The following GMDS variants were observed in gnomAD, a reference collection of about 807,000 sequenced individuals.
GMDS encodes GDP-mannose 4,6-dehydratase.
A neutral mutation model predicts 49.9 loss-of-function variants in GMDS; 20 were observed. That is an observed-to-expected ratio of 0.40 (90% CI 0.28 to 0.58). GMDS has a LOEUF of 0.58. Ranked by LOEUF, GMDS falls within the 20% of genes least tolerant of loss-of-function variation. The pLI is 0.42. For synonymous variants in GMDS, 177 were observed against 178.6 expected (o/e 0.99, Z 0.07); for missense variants, 362 against 481.4 (o/e 0.75, Z 2.32).
rs144355567 is a variant in GMDS at position 2,014,011 on chromosome 6, C to T, written c.346-53045G>A. ...GAGAAAGAGAGTATTTTGAAAGAAG[C>T]TTGTCAAAAAACAAGCAAGCCAAAA... On this transcript the variant is annotated intron_variant, in intron 4 of 10. Transcript: ENST00000380815. Among the ~76,000 whole-genome samples, 652 of 144,460 alleles carry T rather than the reference C, an allele frequency of 4.5e-3. 2 individuals carry two copies. The highest frequency in any genetic ancestry group is 7.2e-3 in the Non-Finnish European group (478 of 66,506). The allele number at this position is 144,460 out of a possible 152,430, so 94.8% of individuals were successfully genotyped here.
Position 1,875,269 on chromosome 6 carries a change from ACT to A in GMDS, c.771+54832_771+54833del, listed in dbSNP as rs147975690. Among the ~76,000 whole-genome samples the A allele has an allele frequency of 4.6e-3, 696 of 151,626 alleles. 4 individuals are homozygous for A. The highest frequency in any genetic ancestry group is 0.016 in the African/African-American group (658 of 41,266). ...TTTGAGATATTCACATATTTGAATA[ACT>A]CTGATTTAACCAAATACATTTTATA... On this transcript the variant is annotated intron_variant, in intron 7 of 10. Transcript: ENST00000380815.
chr6:1,675,418 T>C (rs552414361), intron 9 of GMDS, among the ~76,000 whole-genome samples: 4 of 152,128 alleles, frequency 2.6e-5, no homozygotes, highest in Non-Finnish European at 5.9e-5. Flanking sequence ...TTCCCAAATC[T>C]GCAAGCCTTT....
intron 6 of GMDS, among the ~76,000 whole-genome samples, chr6:1,953,941 T>A (rs555122395): frequency 1.3e-5 from 2 of 152,124 alleles, no homozygotes; most frequent in South Asian, 4.1e-4. Context: ...GGCAAGAAAA[T>A]TTTTGTACAT....
intron 7 of GMDS, among the ~76,000 whole-genome samples, chr6:1,781,391 C>T (rs929018349): frequency 6.6e-5 from 10 of 152,198 alleles, no homozygotes; most frequent in Non-Finnish European, 8.8e-5. Flanking sequence ...CTCTCGCTGG[C>T]GTGGGTTTCT....
At chr6:1,780,739 C>T (rs1248496403) in intron 7 of GMDS, among the ~76,000 whole-genome samples, 3 of 152,224 alleles carry the variant, frequency 2.0e-5, no homozygotes, top group Non-Finnish European at 4.4e-5. Flanking sequence ...GGCTCGCTCA[C>T]GCCATCACAG....
intron 7 of GMDS, among the ~76,000 whole-genome samples, chr6:1,881,153 A>G (rs1221164585): frequency 2.0e-5 from 3 of 152,332 alleles, no homozygotes; most frequent in East Asian, 3.8e-4. Context: ...GCAGGAGGGA[A>G]GTGGGGGCAC....
chr6:1,723,727 A>G (rs9392327), intron 9 of GMDS, among the ~76,000 whole-genome samples: 127,382 of 152,048 alleles, frequency 0.84, 53,836 homozygotes, highest in East Asian at 1. Flanking sequence ...TTTACAGACT[A>G]TAAGAAGAAT....
At chr6:2,003,884 C>G (rs1049294631) in intron 4 of GMDS, among the ~76,000 whole-genome samples, 8 of 152,114 alleles carry the variant, frequency 5.3e-5, no homozygotes, top group Non-Finnish European at 1.2e-4. Flanking sequence ...CCCAAGACAG[C>G]TATTTTGCAC....
intron 8 of GMDS, among the ~76,000 whole-genome samples, chr6:1,740,776 T>G (rs1227996336): frequency 1.3e-5 from 2 of 152,152 alleles, no homozygotes; most frequent in African/African-American, 4.8e-5. Flanking sequence ...CTTCAAAGAT[T>G]ATTTTATATC....
chr6:2,171,748 C>A lies in GMDS; in HGVS notation c.103-47017G>T, dbSNP rs76912930. 2.2e-3 allele frequency among the ~76,000 whole-genome samples: 332 copies of A among 152,188 alleles called. 2 individuals are homozygous for A. Among genetic ancestry groups the A allele is most frequent in the African/African-American group, 7.8e-3 (323 of 41,542 alleles). On this transcript the variant is annotated intron_variant, in intron 1 of 10. Transcript: ENST00000380815. The stretch of plus-strand genomic sequence containing the variant: ...AGCCAGAAGAAAGCATCAGGAAAGT[C>A]TTCAATATCCACATTAAAATGCACA...
intron 4 of GMDS, among the ~76,000 whole-genome samples, chr6:2,036,883 T>C (rs145898435): frequency 7.1e-4 from 108 of 152,346 alleles, no homozygotes; most frequent in East Asian, 6.9e-3. Flanking sequence ...TATGCTATCC[T>C]GAACCATAAA....
chr6:1,858,921 C>T (rs1393262775), intron 7 of GMDS, among the ~76,000 whole-genome samples: 1 of 151,840 alleles, frequency 6.6e-6, no homozygotes, highest in African/African-American at 2.4e-5. Flanking sequence ...TGGCAGGGTA[C>T]ATTAAAGGAG....
At chr6:1,723,483 T>C (rs1305862221) in intron 9 of GMDS, among the ~76,000 whole-genome samples, 2 of 151,894 alleles carry the variant, frequency 1.3e-5, no homozygotes, top group African/African-American at 2.4e-5. Flanking sequence ...CCTGCCACCA[T>C]ACCCGGCTAA....
At chr6:1,878,578 A>C (rs1367482598) in intron 7 of GMDS, among the ~76,000 whole-genome samples, 1 of 152,152 alleles carries the variant, frequency 6.6e-6, no homozygotes, top group Non-Finnish European at 1.5e-5. Context: ...GCCATGCGGG[A>C]ATCTGCTTGT....
At chr6:2,235,407 C>T (rs183653162) in intron 1 of GMDS, among the ~76,000 whole-genome samples, 5 of 152,306 alleles carry the variant, frequency 3.3e-5, no homozygotes, top group Admixed American at 3.3e-4. Context: ...ATGCCTAATT[C>T]ATTCCATACT....
intron 4 of GMDS, among the ~76,000 whole-genome samples, chr6:2,038,675 T>C (rs115826205): frequency 0.018 from 2,667 of 152,170 alleles, 81 homozygotes; most frequent in African/African-American, 0.062. Context: ...CCTCCCGAAA[T>C]ATGCTCCTTG....
intron 7 of GMDS, among the ~76,000 whole-genome samples, chr6:1,803,302 C>A (rs182116066): frequency 1.3e-5 from 2 of 152,236 alleles, no homozygotes; most frequent in East Asian, 3.9e-4. Flanking sequence ...AAAAATAAGA[C>A]TGTTTTGCAG....
intron 4 of GMDS, among the ~76,000 whole-genome samples, chr6:2,058,398 C>A (rs1267540564): frequency 6.6e-6 from 1 of 150,836 alleles, no homozygotes; most frequent in East Asian, 1.9e-4. Flanking sequence ...AAAAATGTCC[C>A]TAAAAAAGAT....
At chr6:1,643,109 T>C (rs1470521867) in intron 9 of GMDS, among the ~76,000 whole-genome samples, 1 of 152,160 alleles carries the variant, frequency 6.6e-6, no homozygotes, top group Non-Finnish European at 1.5e-5. Context: ...GAGAAACTGG[T>C]GATTCTCAAC....
Sources: gnomAD v4.1 joint callset for allele counts (sites outside exome capture counted in the v4.1 genomes callset) on GRCh38, gnomAD v4.1.1 for gene constraint, MANE v1.5 for transcripts, NCBI Gene and HGNC (gene_info 2026-07-23, HGNC 2026-07-21) for gene names.